Variants in SMIM36 observed in about 807,000 individuals in gnomAD.
SMIM36 encodes the protein small integral membrane protein 36.
intron 1 of SMIM36, among the ~76,000 whole-genome samples, chr17:55,500,922 A>G (rs1322786450): frequency 4.1e-5 from 1 of 24,222 alleles, no homozygotes; most frequent in Non-Finnish European, 7.1e-5. Context: ...ATATTATAAT[A>G]TATTATATTT....
At chr17:55,499,952 G>GT (rs1909878219) in intron 1 of SMIM36, among the ~76,000 whole-genome samples, 2 of 151,948 alleles carry the variant, frequency 1.3e-5, no homozygotes, top group Admixed American at 1.3e-4. Flanking sequence ...CTGTAGAAAG[G>GT]TAAGTGGCAG....
the SMIM36 span, among the ~76,000 whole-genome samples, chr17:55,522,373 G>A: frequency 6.6e-6 from 1 of 152,088 alleles, no homozygotes; most frequent in African/African-American, 2.4e-5. Context: ...TTCTCACATC[G>A]CTAATAAAAA....
the SMIM36 span, among the ~76,000 whole-genome samples, chr17:55,522,895 A>G: frequency 1.8e-3 from 277 of 152,294 alleles, 1 homozygote; most frequent in Non-Finnish European, 3.5e-3. Context: ...GGCCCAGAGC[A>G]TGGCAGGCAC....
At chr17:55,501,736 C>T (rs1179582164) in intron 1 of SMIM36, among the ~76,000 whole-genome samples, 1 of 150,860 alleles carries the variant, frequency 6.6e-6, no homozygotes, top group African/African-American at 2.4e-5. Flanking sequence ...CCAAGATGGC[C>T]GAATAGGAAC....
At chr17:55,492,242 C>CTTTTTTTTTTTTTTTTTTTTTTTTTTTT (rs770501215) in intron 1 of SMIM36, among the ~76,000 whole-genome samples, 2 of 111,286 alleles carry the variant, frequency 1.8e-5, no homozygotes, top group African/African-American at 3.5e-5. Flanking sequence ...TTCTTTCTTT[C>CTTTTTTTTTTTTTTTTTTTTTTTTTTTT]TTTTTTTTTT....
chr17:55,525,894 G>C, the SMIM36 span, among the ~76,000 whole-genome samples: 1 of 152,116 alleles, frequency 6.6e-6, no homozygotes, highest in Non-Finnish European at 1.5e-5. Context: ...TTGTGCTCAA[G>C]CGATCCGCCT....
At chr17:55,500,574 A>G (rs374321559) in intron 1 of SMIM36, among the ~76,000 whole-genome samples, 1 of 151,464 alleles carries the variant, frequency 6.6e-6, no homozygotes, top group Non-Finnish European at 1.5e-5. Flanking sequence ...GAATAACTCA[A>G]TGCCGTCTAT....
intron 1 of SMIM36, among the ~76,000 whole-genome samples, chr17:55,507,976 C>T (rs1057019378): frequency 4.6e-5 from 7 of 152,036 alleles, no homozygotes; most frequent in Non-Finnish European, 7.4e-5. Flanking sequence ...CTGGAGAAAC[C>T]CTGGGTTGGG....
chr17:55,526,542 T>C, the SMIM36 span, among the ~76,000 whole-genome samples: 1 of 152,270 alleles, frequency 6.6e-6, no homozygotes, highest in African/African-American at 2.4e-5. Context: ...TATAACACAG[T>C]GCAGGCAGCT....
chr17:55,491,141 C>T (rs1468673909), intron 1 of SMIM36, among the ~76,000 whole-genome samples: 1 of 150,576 alleles, frequency 6.6e-6, no homozygotes, highest in African/African-American at 2.4e-5. Flanking sequence ...ACTCGGGAGA[C>T]CGAAGTGGGA....
intron 4 of SMIM36, among the ~76,000 whole-genome samples, chr17:55,452,247 C>T (rs1311521900): frequency 6.6e-6 from 1 of 152,060 alleles, no homozygotes; most frequent in Non-Finnish European, 1.5e-5. Context: ...ATAGATGTTC[C>T]CCAGAACAGT....
At chr17:55,469,503 T>G (rs1233508486) in intron 3 of SMIM36, among the ~76,000 whole-genome samples, 1 of 152,132 alleles carries the variant, frequency 6.6e-6, no homozygotes, top group Non-Finnish European at 1.5e-5. Flanking sequence ...CCCAGTCCAC[T>G]CCTGACATTA....
At chr17:55,501,475 T>A (rs1332882462) in intron 1 of SMIM36, among the ~76,000 whole-genome samples, 1 of 97,544 alleles carries the variant, frequency 1.0e-5, no homozygotes, top group East Asian at 2.7e-4. Flanking sequence ...TTATATTTTA[T>A]AATTATTATA....
chr17:55,476,920 G>A (rs960242755), intron 3 of SMIM36: 3 of 152,136 alleles, frequency 2.0e-5, no homozygotes, highest in Non-Finnish European at 4.4e-5. Flanking sequence ...CCATTCCCAG[G>A]CAAACATATC....
At chr17:55,499,358 A>G (rs182469301) in intron 1 of SMIM36, among the ~76,000 whole-genome samples, 1 of 152,256 alleles carries the variant, frequency 6.6e-6, no homozygotes, top group East Asian at 1.9e-4. Context: ...AACAGATGGT[A>G]GGAGGTGACC....
At chr17:55,478,100 T>C (rs1313887030) in intron 3 of SMIM36, among the ~76,000 whole-genome samples, 1 of 152,042 alleles carries the variant, frequency 6.6e-6, no homozygotes, top group African/African-American at 2.4e-5. Flanking sequence ...AGAGAACCAC[T>C]TGAATCTCAG....
chr17:55,513,659 C>T (rs1210295993), upstream of SMIM36, among the ~76,000 whole-genome samples: 1 of 152,134 alleles, frequency 6.6e-6, no homozygotes, highest in Non-Finnish European at 1.5e-5. Context: ...AGCCCAGGTG[C>T]CTCCATGTAA....
At chr17:55,501,453 T>A (rs1469946701) in intron 1 of SMIM36, among the ~76,000 whole-genome samples, 1 of 52,516 alleles carries the variant, frequency 1.9e-5, no homozygotes, top group Non-Finnish European at 3.2e-5. Flanking sequence ...AAATATAATA[T>A]ATTATTATAT....
chr17:55,475,439 A>T (rs1909411998), intron 3 of SMIM36, among the ~76,000 whole-genome samples: 1 of 152,092 alleles, frequency 6.6e-6, no homozygotes, highest in South Asian at 2.1e-4. Context: ...TATCTTCACC[A>T]CACTGTCAAT....
Sources: gnomAD v4.1 joint callset for allele counts (sites outside exome capture counted in the v4.1 genomes callset) on GRCh38, gnomAD v4.1.1 for gene constraint, MANE v1.5 for transcripts, NCBI Gene and HGNC (gene_info 2026-07-23, HGNC 2026-07-21) for gene names.